Variants in ACCSL observed in about 807,000 individuals in gnomAD.
ACCSL encodes probable inactive 1-aminocyclopropane-1-carboxylate synthase-like protein 2.
A neutral mutation model predicts 61.7 loss-of-function variants in ACCSL; 55 were observed. The observed-to-expected ratio is 0.89, with a 90% confidence interval of 0.72 to 1.12. The LOEUF is 1.12. Ranked by LOEUF, ACCSL falls within the 50% of genes most tolerant of loss-of-function variation. The pLI is 0.00. For missense variants in ACCSL, 632 were observed against 698.0 expected (o/e 0.91, Z 1.07); for synonymous variants, 258 against 264.3 (o/e 0.98, Z 0.23).
chr11:43,958,020 G>T, the ACCSL span, among the ~76,000 whole-genome samples: 1 of 152,170 alleles, frequency 6.6e-6, no homozygotes, highest in African/African-American at 2.4e-5. Flanking sequence ...AACTGTCCTT[G>T]TTCATTCCTG....
the ACCSL span, among the ~76,000 whole-genome samples, chr11:43,962,207 T>TC: frequency 6.6e-6 from 1 of 152,156 alleles, no homozygotes; most frequent in Non-Finnish European, 1.5e-5. Context: ...AACCTAGTTG[T>TC]CAGGCAGCAG....
At chr11:43,958,648 C>T in the ACCSL span, among the ~76,000 whole-genome samples, 1 of 152,186 alleles carries the variant, frequency 6.6e-6, no homozygotes, top group African/African-American at 2.4e-5. Flanking sequence ...TATCGGAGGG[C>T]TTACAATTTT....
chr11:44,029,013 G>GCAGTGATCATGCTGAGCA, the ACCSL span, among the ~76,000 whole-genome samples: 2 of 152,332 alleles, frequency 1.3e-5, no homozygotes, highest in South Asian at 4.1e-4. Flanking sequence ...TCACTCCCGG[G>GCAGTGATCATGCTGAGCA]CAGTGATCAT....
the ACCSL span, among the ~76,000 whole-genome samples, chr11:43,977,515 G>A: frequency 6.6e-6 from 1 of 152,152 alleles, no homozygotes; most frequent in African/African-American, 2.4e-5. Context: ...GAAAGAACAA[G>A]GAAACAGATT....
At chr11:44,053,952 A>G (rs994854133) in intron 8 of ACCSL, among the ~76,000 whole-genome samples, 13 of 152,258 alleles carry the variant, frequency 8.5e-5, no homozygotes, top group African/African-American at 3.1e-4. Flanking sequence ...GGAAAACGCA[A>G]TCACATGCTT....
the ACCSL span, among the ~76,000 whole-genome samples, chr11:43,965,799 A>C: frequency 1.3e-5 from 2 of 152,210 alleles, no homozygotes; most frequent in Non-Finnish European, 2.9e-5. Flanking sequence ...AAACCCATAC[A>C]TCTATAGTCA....
intron 11 of ACCSL, 75 bp downstream of exon 11, chr11:44,056,401 C>G (rs1004951039): frequency 5.3e-6 from 8 of 1,516,552 alleles, no homozygotes; most frequent in Non-Finnish European, 7.1e-6. Flanking sequence ...TTGCTTGGGC[C>G]TCTGATGTGC....
At chr11:43,994,800 A>AT in the ACCSL span, among the ~76,000 whole-genome samples, 22 of 151,224 alleles carry the variant, frequency 1.5e-4, no homozygotes, top group South Asian at 4.2e-3. Flanking sequence ...TGCCTGGCTA[A>AT]TTTTTTTTTG....
chr11:44,013,513 G>A, the ACCSL span, among the ~76,000 whole-genome samples: 2 of 152,134 alleles, frequency 1.3e-5, no homozygotes, highest in African/African-American at 2.4e-5. Flanking sequence ...GGCTGGTCTC[G>A]AACCCCTGAC....
the ACCSL span, among the ~76,000 whole-genome samples, chr11:43,927,140 G>A: frequency 6.6e-6 from 1 of 152,132 alleles, no homozygotes; most frequent in African/African-American, 2.4e-5. Flanking sequence ...TAATAGTTTT[G>A]GGGCCTTTTT....
chr11:43,931,006 C>G, the ACCSL span, among the ~76,000 whole-genome samples: 3 of 152,188 alleles, frequency 2.0e-5, no homozygotes, highest in Non-Finnish European at 4.4e-5. Flanking sequence ...AAACACTGAC[C>G]CAGCTCATCT....
the ACCSL span, among the ~76,000 whole-genome samples, chr11:44,025,329 A>C: frequency 1.5e-3 from 222 of 152,158 alleles, 3 homozygotes; most frequent in Non-Finnish European, 1.9e-3. Context: ...TTTTTAAAAA[A>C]TTACTTTCTT....
At chr11:43,975,190 A>T in the ACCSL span, among the ~76,000 whole-genome samples, 3 of 152,322 alleles carry the variant, frequency 2.0e-5, no homozygotes, top group South Asian at 4.1e-4. Flanking sequence ...GAGGGAAAAA[A>T]AATGGAGGAG....
the ACCSL span, chr11:43,925,359 C>G: frequency 1.5e-4 from 69 of 456,186 alleles, no homozygotes; most frequent in East Asian, 4.0e-3. Context: ...ACAAGCAGCC[C>G]CAGAAGGTCA....
chr11:44,040,636 C>T, the ACCSL span, among the ~76,000 whole-genome samples: 3 of 152,144 alleles, frequency 2.0e-5, no homozygotes, highest in Non-Finnish European at 4.4e-5. Flanking sequence ...ATGGTTTGCT[C>T]AGTCAGTTTC....
At chr11:43,994,780 C>T in the ACCSL span, among the ~76,000 whole-genome samples, 87,492 of 151,878 alleles carry the variant, frequency 0.58, 26,287 homozygotes, top group African/African-American at 0.76. Flanking sequence ...CTACAATGCG[C>T]GTGCCACCAT....
upstream of ACCSL, among the ~76,000 whole-genome samples, chr11:44,044,183 G>A (rs1004295219): frequency 6.6e-6 from 1 of 152,198 alleles, no homozygotes; most frequent in African/African-American, 2.4e-5. Flanking sequence ...TGGGTATTAT[G>A]TGACATGAAG....
rs755221260 is a variant in ACCSL, at chr11:44,048,525, G to A, written c.489G>A (p.Lys163=). The stretch of plus-strand genomic sequence containing the variant: ...CCTACCAAAAAGATAAATATCATAA[G>A]GACAAGAACACCTTGGTGAGAATTT... ...YNAYQKDKYH[K]DKNTLGFINL... The change falls in exon 1 of 14, where the codon AAG becomes AAA. Residue 163 remains lysine, a synonymous_variant. Transcript: ENST00000378832. 3.9e-6 allele frequency: 5 copies of A among 1,290,200 alleles called. No individual in the cohort carries two copies. Among genetic ancestry groups the A allele is most frequent in the African/African-American group, 1.7e-5 (1 of 59,968 alleles). The allele number at this position is 1,290,200 out of a possible 1,614,324, so 79.9% of individuals were successfully genotyped here. A position where few individuals can be genotyped will look rare whatever the true frequency, so the allele number is the denominator to read the frequency against.
At chr11:43,997,109 G>C in the ACCSL span, among the ~76,000 whole-genome samples, 1 of 151,804 alleles carries the variant, frequency 6.6e-6, no homozygotes, top group East Asian at 1.9e-4. Flanking sequence ...CTCCTGGCCA[G>C]GTTCTTAACC....
Sources: gnomAD v4.1 joint callset for allele counts (sites outside exome capture counted in the v4.1 genomes callset) on GRCh38, gnomAD v4.1.1 for gene constraint, MANE v1.5 for transcripts, NCBI Gene and HGNC (gene_info 2026-07-23, HGNC 2026-07-21) for gene names.